Variants in NKIRAS1 observed in about 807,000 individuals in gnomAD.
NKIRAS1 encodes the protein NF-kappa-B inhibitor-interacting Ras-like protein 1.
In NKIRAS1, 16 loss-of-function variants were observed where a neutral mutation model predicts 19.8. That is an observed-to-expected ratio of 0.81 (90% CI 0.55 to 1.23). NKIRAS1 has a LOEUF of 1.23. Among genes scored for constraint, NKIRAS1 ranks in the 50% most tolerant of loss-of-function variants. NKIRAS1 has a pLI of 0.00. For synonymous variants in NKIRAS1, 88 were observed against 79.0 expected (o/e 1.11, Z -0.61); for missense variants, 184 against 220.0 (o/e 0.84, Z 1.04).
chr3:23,945,578 C>T, intron 1 of NKIRAS1: 13 of 1,172,208 alleles, frequency 1.1e-5, no homozygotes, highest in Non-Finnish European at 1.4e-5. Flanking sequence ...GCGAGGGCAC[C>T]ATGGAGGTGA....
intron 3 of NKIRAS1, among the ~76,000 whole-genome samples, chr3:23,906,319 T>G (rs1025210926): frequency 6.6e-6 from 1 of 152,064 alleles, no homozygotes; most frequent in South Asian, 2.1e-4. Flanking sequence ...GAGAAACATC[T>G]GGACTATGTG....
intron 1 of NKIRAS1, among the ~76,000 whole-genome samples, chr3:23,942,965 C>G (rs952054681): frequency 6.6e-6 from 1 of 152,140 alleles, no homozygotes; most frequent in African/African-American, 2.4e-5. Context: ...CCAGGCTAGT[C>G]TCCGATTCTC....
chr3:23,945,993 C>T (rs1452843708), intron 1 of NKIRAS1: 2 of 587,204 alleles, frequency 3.4e-6, no homozygotes, highest in South Asian at 7.2e-5. Context: ...CTCCCTGACC[C>T]ACATTCCCCG....
At position 23,946,030 on chromosome 3, in the gene NKIRAS1, G is replaced by GGC. The variant is rs561849691; in HGVS notation, c.-140+291_-140+292dup. 4.6e-3 allele frequency: 3,849 copies of GGC among 845,244 alleles called. 20 individuals are homozygous for GGC. Among genetic ancestry groups the GGC allele is most frequent in the African/African-American group, 0.023 (1,246 of 54,380 alleles). 52.4% of individuals were successfully genotyped at this position (845,244 alleles called of 1,614,324 possible). ...GGCCGCAGGGACACGTGGGGGCGGGGGCGCGCGCGCGCGCGCTGGCTGGGA... is the reference window on the plus strand; with the variant it reads ...GGCCGCAGGGACACGTGGGGGCGGGGGCGCGCGCGCGCGCGCGCTGGCTGGGA... On this transcript the variant is annotated intron_variant, in intron 1 of 4. Transcript: ENST00000421515.
At chr3:23,921,459 A>G, upstream of NKIRAS1, 1 of 615,652 alleles carries the variant, frequency 1.6e-6, no homozygotes, top group Admixed American at 2.9e-5. Context: ...GCTTTACTCC[A>G]ATATTAAGGG....
intron 3 of NKIRAS1, among the ~76,000 whole-genome samples, chr3:23,908,753 T>C (rs1017763200): frequency 6.6e-6 from 1 of 152,138 alleles, no homozygotes; most frequent in Non-Finnish European, 1.5e-5. Context: ...CACTGCAGCC[T>C]CAACCTCCCA....
At chr3:23,937,666 C>G (rs996040866) in intron 1 of NKIRAS1, among the ~76,000 whole-genome samples, 3 of 151,368 alleles carry the variant, frequency 2.0e-5, no homozygotes, top group Admixed American at 6.6e-5. Context: ...ATTTGTTGAA[C>G]TGTCATGCAA....
chr3:23,944,323 A>G (rs1705569022), intron 1 of NKIRAS1, among the ~76,000 whole-genome samples: 1 of 152,128 alleles, frequency 6.6e-6, no homozygotes, highest in African/African-American at 2.4e-5. Flanking sequence ...CCCACCTTCT[A>G]TAGTGAAGAA....
At chr3:23,945,331 C>T (rs1705618895) in intron 1 of NKIRAS1, 3 of 161,334 alleles carry the variant, frequency 1.9e-5, no homozygotes, top group Non-Finnish European at 4.0e-5. Flanking sequence ...AGGAAGCCGC[C>T]GCGCCGCCGC....
In NKIRAS1 at chr3:23,894,696, C is replaced by G. The variant is rs140465168; in HGVS notation, c.337-1359G>C. Among the ~76,000 whole-genome samples, 52 of 152,204 alleles carry G rather than the reference C, an allele frequency of 3.4e-4. No individual in the cohort carries two copies. The East Asian group carries it at 7.7e-3, about 23-fold the overall frequency. On this transcript the variant is annotated intron_variant, in intron 4 of 4. Coordinates refer to ENST00000425478, the MANE Select transcript of NKIRAS1 (RefSeq NM_020345.4). ...CCTAGTTGCCTTGCAGTCCTGCTTCCTCTATCACTCCCCTCCTACCACTAC... is the reference window on the plus strand; with the variant it reads ...CCTAGTTGCCTTGCAGTCCTGCTTCGTCTATCACTCCCCTCCTACCACTAC...
upstream of NKIRAS1, among the ~76,000 whole-genome samples, chr3:23,921,381 ACCCCAGGCT>A (rs1262453043): frequency 6.6e-6 from 1 of 152,104 alleles, no homozygotes; most frequent in African/African-American, 2.4e-5. Context: ...TGCAGTCCAC[ACCCCAGGCT>A]CCTTGCTGTT....
chr3:23,894,465 C>G (rs1464383651), intron 4 of NKIRAS1, among the ~76,000 whole-genome samples: 1 of 152,290 alleles, frequency 6.6e-6, no homozygotes, highest in Middle Eastern at 3.4e-3. Context: ...ATCACATACT[C>G]TATCTCATCT....
intron 1 of NKIRAS1, 122 bp downstream of exon 1, chr3:23,916,662 C>G (rs1704517176): frequency 6.6e-6 from 1 of 152,594 alleles, no homozygotes; most frequent in Non-Finnish European, 1.5e-5. Flanking sequence ...GATCTCTCAG[C>G]GCAGCTCTGG....
At position 23,893,120 on chromosome 3, in the gene NKIRAS1, T is replaced by C; in HGVS notation, c.554A>G (p.Lys185Arg). 1 of 1,576,156 alleles carries C rather than the reference T, an allele frequency of 6.3e-7. No homozygotes were observed. Among genetic ancestry groups the C allele is most frequent in the East Asian group, 2.2e-5 (1 of 44,488 alleles). The change falls in exon 5 of 5, where the codon AAA (lysine) becomes AGA (arginine). Residue 185 changes from lysine to arginine, a missense_variant. By Grantham distance (26) the Lys-to-Arg change is conservative. Transcript: ENST00000425478. ...TTAGTTCTCAGAATTAGAGTTCCCT[T>C]TGTTTTTCCTCCCAGGCAAAGGAAA... Reference protein sequence around the residue: ...SSFPLPGRKNKGNSNSEN With the variant: ...SSFPLPGRKNRGNSNSEN
intron 1 of NKIRAS1, among the ~76,000 whole-genome samples, chr3:23,936,180 G>A (rs1234162126): frequency 3.3e-5 from 5 of 151,180 alleles, no homozygotes; most frequent in African/African-American, 1.2e-4. Flanking sequence ...TTGTCCTAGA[G>A]TCTATAGGCA....
chr3:23,912,124 T>C (rs1413691311), intron 1 of NKIRAS1, among the ~76,000 whole-genome samples: 2 of 152,012 alleles, frequency 1.3e-5, no homozygotes, highest in Non-Finnish European at 2.9e-5. Context: ...TCTAGAAAAA[T>C]TGCCCATGCA....
At chr3:23,901,168 T>C in intron 3 of NKIRAS1, 119 bp from the exon 4 acceptor site, 1 of 1,120,052 alleles carries the variant, frequency 8.9e-7, no homozygotes, top group Non-Finnish European at 1.3e-6. Flanking sequence ...AATAATCACA[T>C]TTCTATTTTA....
upstream of NKIRAS1, chr3:23,920,470 T>C (rs1490820680): frequency 1.0e-6 from 1 of 985,292 alleles, no homozygotes; most frequent in East Asian, 1.1e-4. Flanking sequence ...AGTTGGACCA[T>C]CACTTGTGCA....
chr3:23,923,685 TTAGAAG>T (rs1705155953), intron 1 of NKIRAS1: 2 of 152,230 alleles, frequency 1.3e-5, no homozygotes, highest in African/African-American at 2.4e-5. Flanking sequence ...GAATAAATTC[TTAGAAG>T]TAGAATGGCA....
Sources: gnomAD v4.1 joint callset for allele counts (sites outside exome capture counted in the v4.1 genomes callset) on GRCh38, gnomAD v4.1.1 for gene constraint, MANE v1.5 for transcripts, NCBI Gene and HGNC (gene_info 2026-07-23, HGNC 2026-07-21) for gene names.